ARHGAP24: variants seen among roughly 807,000 people sequenced by gnomAD.
ARHGAP24 encodes Rho GTPase activating protein 24, also known as rho GTPase-activating protein 24.
Under a neutral mutation model 76.4 loss-of-function variants are expected in ARHGAP24, and 50 were observed. That is an observed-to-expected ratio of 0.65 (90% CI 0.52 to 0.83). The LOEUF is 0.83. Ranked by LOEUF, ARHGAP24 falls within the 40% of genes least tolerant of loss-of-function variation. The pLI is 0.00. For synonymous variants in ARHGAP24, 345 were observed against 323.3 expected (o/e 1.07, Z -0.72); for missense variants, 930 against 914.2 (o/e 1.02, Z -0.22).
chr4:85,651,839 A>G (rs949368944), intron 2 of ARHGAP24, among the ~76,000 whole-genome samples: 2 of 152,064 alleles, frequency 1.3e-5, no homozygotes, highest in African/African-American at 2.4e-5. Flanking sequence ...ATGAAAAAGT[A>G]TCATTTTCTA....
At chr4:85,574,897 G>A (rs912939424) in intron 2 of ARHGAP24, among the ~76,000 whole-genome samples, 2 of 152,036 alleles carry the variant, frequency 1.3e-5, no homozygotes, top group Non-Finnish European at 2.9e-5. Context: ...TCAACAACCT[G>A]CCCAAATTTG....
At chr4:85,653,979 T>A (rs1053498536) in intron 2 of ARHGAP24, among the ~76,000 whole-genome samples, 4 of 151,302 alleles carry the variant, frequency 2.6e-5, no homozygotes, top group Admixed American at 1.3e-4. Flanking sequence ...TATTAATAAT[T>A]ATTATTATAA....
chr4:85,877,517 C>T (rs1733005000), intron 3 of ARHGAP24, among the ~76,000 whole-genome samples: 1 of 120,432 alleles, frequency 8.3e-6, no homozygotes, highest in Non-Finnish European at 1.8e-5. Flanking sequence ...CCCAGCTACT[C>T]AGGAGGCTGA....
intron 2 of ARHGAP24, among the ~76,000 whole-genome samples, chr4:85,575,545 T>G (rs1727336799): frequency 1.3e-5 from 2 of 152,206 alleles, no homozygotes; most frequent in South Asian, 4.1e-4. Context: ...TAGAAAGGAT[T>G]TTAAAACACA....
chr4:85,485,379 ATATATATATATATATATATAT>A (rs1723006051), intron 1 of ARHGAP24, among the ~76,000 whole-genome samples: 2 of 20,064 alleles, frequency 1.0e-4, no homozygotes, highest in Non-Finnish European at 1.6e-4. Context: ...AAAAAAAAAT[ATATATATATATATATATATAT>A]ATATATATAT....
chr4:85,840,017 CTTTT>C (rs70948759), intron 3 of ARHGAP24, among the ~76,000 whole-genome samples: 1,424 of 116,002 alleles, frequency 0.012, 18 homozygotes, highest in African/African-American at 0.043. Context: ...GCCTGGCTAA[CTTTT>C]TTTTTTTTTT....
At chr4:85,877,475 A>G (rs751004721) in intron 3 of ARHGAP24, among the ~76,000 whole-genome samples, 10 of 152,048 alleles carry the variant, frequency 6.6e-5, no homozygotes, top group Non-Finnish European at 1.3e-4. Context: ...AACTACAAAA[A>G]TTAGCTGGGT....
At chr4:85,937,813 A>G (rs1736732821) in intron 4 of ARHGAP24, among the ~76,000 whole-genome samples, 1 of 152,200 alleles carries the variant, frequency 6.6e-6, no homozygotes, top group South Asian at 2.1e-4. Flanking sequence ...TGGGTCAAAT[A>G]TCAAATTGCA....
chr4:85,706,453 A>G (rs1049827759), intron 2 of ARHGAP24, among the ~76,000 whole-genome samples: 4 of 152,212 alleles, frequency 2.6e-5, no homozygotes, highest in African/African-American at 9.7e-5. Context: ...ACATTTTTCT[A>G]TAACTAACCA....
In ARHGAP24 at chr4:85,483,909, G is replaced by A. The variant is rs79125402; in HGVS notation, c.-21+8350G>A. On this transcript the variant is annotated intron_variant, in intron 1 of 9. Coordinates refer to ENST00000395184, the MANE Select transcript of ARHGAP24 (RefSeq NM_001025616.3). ...AACAAGGCCTCCAGGTGATTCTGAT[G>A]TACACTAAAGCTTGAGGACCACTTA... 7.4e-3 allele frequency among the ~76,000 whole-genome samples: 1,130 copies of A among 152,254 alleles called. 9 individuals carry two copies. Among genetic ancestry groups the A allele is most frequent in the African/African-American group, 0.026 (1,082 of 41,536 alleles).
At chr4:85,756,806 T>C (rs1234673307) in intron 3 of ARHGAP24, among the ~76,000 whole-genome samples, 3 of 152,166 alleles carry the variant, frequency 2.0e-5, no homozygotes, top group African/African-American at 4.8e-5. Context: ...AGCTGGTTTA[T>C]TGATCTGCAG....
chr4:85,944,899 G>A (rs946988286), intron 5 of ARHGAP24, among the ~76,000 whole-genome samples: 19 of 152,074 alleles, frequency 1.2e-4, no homozygotes, highest in African/African-American at 4.6e-4. Context: ...CCAGGCTGGA[G>A]TGCAATGGCA....
Position 85,587,629 on chromosome 4 carries a change from T to C in ARHGAP24, c.180+16908T>C, listed in dbSNP as rs571622306. ...TTTTTTTCTTTAGAAGTATACACTT[T>C]AGTCAAATTGACAAATAGTGGTCTA... is the stretch of plus-strand genomic sequence containing the variant. On this transcript the variant is annotated intron_variant, in intron 2 of 9. Coordinates refer to ENST00000395184, the MANE Select transcript of ARHGAP24 (RefSeq NM_001025616.3). 6.6e-5 allele frequency among the ~76,000 whole-genome samples: 10 copies of C among 152,310 alleles called. No individual in the cohort carries two copies. In the South Asian group the frequency reaches 1.7e-3, roughly 25 times the overall value.
At chr4:85,851,795 G>A (rs1412628765) in intron 3 of ARHGAP24, among the ~76,000 whole-genome samples, 1 of 152,216 alleles carries the variant, frequency 6.6e-6, no homozygotes, top group African/African-American at 2.4e-5. Context: ...CATCTGGCTT[G>A]TAGGGTTTCT....
chr4:85,512,769 A>T (rs1407357190), intron 1 of ARHGAP24, among the ~76,000 whole-genome samples: 1 of 152,266 alleles, frequency 6.6e-6, no homozygotes, highest in Non-Finnish European at 1.5e-5. Flanking sequence ...AGGATATTTG[A>T]TATTATCTGA....
At chr4:85,487,696 ATATT>A (rs1487529395) in intron 1 of ARHGAP24, among the ~76,000 whole-genome samples, 2 of 106,442 alleles carry the variant, frequency 1.9e-5, no homozygotes, top group Non-Finnish European at 3.3e-5. Flanking sequence ...ATATAAATAT[ATATT>A]TATTATATTA....
intron 2 of ARHGAP24, among the ~76,000 whole-genome samples, chr4:85,653,471 TTTAA>T: frequency 7.7e-6 from 1 of 129,210 alleles, no homozygotes; most frequent in South Asian, 2.8e-4. Flanking sequence ...ATGTAAATTA[TTTAA>T]TTAATTTATT....
chr4:86,000,658 C>T lies in ARHGAP24; in HGVS notation c.2183C>T (p.Thr728Met), dbSNP rs775711657. ...AAAGAAATGGAGCAGTTTTTTTCCA[C>T]GTTTGGAGAACTGACAGTGGAACCC... ...LQKEMEQFFS[T>M]FGELTVEPRR... Residue 728 changes from threonine to methionine, a missense_variant, in exon 10 of 10, where the codon ACG becomes ATG. Thr to Met is a moderately conservative substitution (Grantham distance 81). Coordinates refer to ENST00000395184, the MANE Select transcript of ARHGAP24 (RefSeq NM_001025616.3). The T allele has an allele frequency of 1.2e-6, 2 of 1,613,938 alleles. No individual in the cohort carries two copies. The highest frequency in any genetic ancestry group is 1.7e-6 in the Non-Finnish European group (2 of 1,179,938).
chr4:85,686,683 C>T (rs1232167502), intron 2 of ARHGAP24: 2 of 151,968 alleles, frequency 1.3e-5, no homozygotes, highest in African/African-American at 4.8e-5. Context: ...TTCAATGGCT[C>T]ATTGAAAAAG....
Sources: gnomAD v4.1 joint callset for allele counts (sites outside exome capture counted in the v4.1 genomes callset) on GRCh38, gnomAD v4.1.1 for gene constraint, MANE v1.5 for transcripts, NCBI Gene and HGNC (gene_info 2026-07-23, HGNC 2026-07-21) for gene names.